The following TBC1D5 variants were observed in gnomAD, a reference collection of about 807,000 sequenced individuals.
TBC1D5 encodes the protein TBC1 domain family member 5.
TBC1D5 carries 75 observed loss-of-function variants against 100.3 expected under a neutral mutation model. The ratio of observed to expected loss-of-function variants is 0.75; its 90% CI spans 0.62 to 0.91. The LOEUF is 0.91. TBC1D5 is among the 40% of genes least tolerant of loss of function. TBC1D5 has a pLI of 0.00. For synonymous variants in TBC1D5, 323 were observed against 325.6 expected, an observed-to-expected ratio of 0.99 and a Z score of 0.09; for missense variants, 910 against 942.4, an observed-to-expected ratio of 0.97 and a Z score of 0.45.
intron 2 of TBC1D5, among the ~76,000 whole-genome samples, chr3:17,568,330 C>A (rs1324701575): frequency 6.6e-6 from 1 of 151,244 alleles, no homozygotes; most frequent in Non-Finnish European, 1.5e-5. Context: ...AGACTAACTG[C>A]AGGTCAACCA....
At chr3:17,199,672 A>C (rs1382907266) in intron 18 of TBC1D5, among the ~76,000 whole-genome samples, 1 of 152,118 alleles carries the variant, frequency 6.6e-6, no homozygotes, top group Non-Finnish European at 1.5e-5. Flanking sequence ...TACTGAAGGG[A>C]CCTATGGAAG....
chr3:17,279,088 T>C (rs1401861595), intron 15 of TBC1D5, among the ~76,000 whole-genome samples: 2 of 152,260 alleles, frequency 1.3e-5, no homozygotes, highest in Admixed American at 6.5e-5. Context: ...AAATTGCTTA[T>C]GTTTTCAAAA....
chr3:17,658,285 G>C (rs2066291426), intron 1 of TBC1D5, among the ~76,000 whole-genome samples: 1 of 152,146 alleles, frequency 6.6e-6, no homozygotes, highest in South Asian at 2.1e-4. Flanking sequence ...TTGATTTCCT[G>C]CTATATATAC....
intron 1 of TBC1D5, among the ~76,000 whole-genome samples, chr3:17,718,038 C>T (rs1172315806): frequency 6.6e-6 from 1 of 152,062 alleles, no homozygotes; most frequent in Non-Finnish European, 1.5e-5. Context: ...AGTACGAAGT[C>T]AATAAGACAA....
intron 1 of TBC1D5, among the ~76,000 whole-genome samples, chr3:17,645,736 C>T (rs2064958787): frequency 6.6e-6 from 1 of 152,038 alleles, no homozygotes; most frequent in African/African-American, 2.4e-5. Context: ...ACCAATTCTA[C>T]TACCAACTAC....
At chr3:17,655,222 C>G (rs1241639522) in intron 1 of TBC1D5, among the ~76,000 whole-genome samples, 1 of 146,454 alleles carries the variant, frequency 6.8e-6, no homozygotes, top group Non-Finnish European at 1.5e-5. Flanking sequence ...AACCAAACAC[C>G]GCATATTCTC....
At chr3:17,320,345 T>C (rs1004127474) in intron 13 of TBC1D5, among the ~76,000 whole-genome samples, 1 of 152,200 alleles carries the variant, frequency 6.6e-6, no homozygotes, top group Non-Finnish European at 1.5e-5. Context: ...CACTCACTCA[T>C]ACCTACTAAA....
chr3:17,610,985 G>C (rs1041535062), intron 2 of TBC1D5, among the ~76,000 whole-genome samples: 8 of 152,106 alleles, frequency 5.3e-5, no homozygotes, highest in Non-Finnish European at 7.3e-5. Context: ...ACTCCAGCCT[G>C]GGCGACAAGA....
At chr3:17,630,530 G>C (rs1250391477) in intron 1 of TBC1D5, among the ~76,000 whole-genome samples, 1 of 152,144 alleles carries the variant, frequency 6.6e-6, no homozygotes, top group Non-Finnish European at 1.5e-5. Flanking sequence ...CTTAATCAAT[G>C]AATGTGTTCT....
chr3:17,400,059 T>C (rs2093606814), intron 8 of TBC1D5, among the ~76,000 whole-genome samples: 1 of 152,096 alleles, frequency 6.6e-6, no homozygotes, highest in Admixed American at 6.6e-5. Flanking sequence ...TTATTCTCTT[T>C]ATCTATACAT....
chr3:17,475,783 T>C (rs1323637972), intron 3 of TBC1D5, among the ~76,000 whole-genome samples: 2 of 152,132 alleles, frequency 1.3e-5, no homozygotes, highest in African/African-American at 4.8e-5. Context: ...AGATATGCAA[T>C]AGTTTCCCTG....
chr3:17,451,446 G>A (rs2094925327), intron 3 of TBC1D5, among the ~76,000 whole-genome samples: 2 of 152,062 alleles, frequency 1.3e-5, no homozygotes, highest in African/African-American at 2.4e-5. Context: ...AAACCACAAC[G>A]AGATACCATC....
intron 8 of TBC1D5, among the ~76,000 whole-genome samples, chr3:17,399,557 A>G (rs1296374303): frequency 1.3e-5 from 2 of 152,172 alleles, no homozygotes; most frequent in Middle Eastern, 3.4e-3. Context: ...AAATACTCCA[A>G]TAGACTCCTA....
intron 13 of TBC1D5, among the ~76,000 whole-genome samples, chr3:17,333,817 A>C (rs1648662906): frequency 6.6e-6 from 1 of 152,096 alleles, no homozygotes; most frequent in South Asian, 2.1e-4. Flanking sequence ...GGTCCATTAG[A>C]AGCTAGAGAA....
chr3:17,631,950 CAAG>C (rs1321373858), intron 1 of TBC1D5, among the ~76,000 whole-genome samples: 2 of 152,176 alleles, frequency 1.3e-5, no homozygotes, highest in Non-Finnish European at 2.9e-5. Flanking sequence ...GCCCATGAGT[CAAG>C]AAGTAATTCT....
chr3:17,596,437 G>C (rs1318651725), intron 2 of TBC1D5, among the ~76,000 whole-genome samples: 1 of 149,242 alleles, frequency 6.7e-6, no homozygotes, highest in East Asian at 2.0e-4. Flanking sequence ...TCCTGCCTCA[G>C]TCTCCCAAGT....
At chr3:17,505,033 C>A (rs1004573993) in intron 3 of TBC1D5, among the ~76,000 whole-genome samples, 2 of 152,052 alleles carry the variant, frequency 1.3e-5, no homozygotes, top group Non-Finnish European at 2.9e-5. Flanking sequence ...ACGGAGTTGG[C>A]AGGATTCTGA....
chr3:17,690,208 T>TATAACAGGGG, intron 1 of TBC1D5, among the ~76,000 whole-genome samples: 1 of 65,302 alleles, frequency 1.5e-5, no homozygotes, highest in Non-Finnish European at 3.2e-5. Context: ...AGCCATATTT[T>TATAACAGGGG]TTTTTTTTTT....
chr3:17,676,782 T>C (rs2068699541), intron 1 of TBC1D5, among the ~76,000 whole-genome samples: 1 of 152,194 alleles, frequency 6.6e-6, no homozygotes, highest in African/African-American at 2.4e-5. Flanking sequence ...CAAAACAGCA[T>C]GGTACTGGTA....
Sources: allele counts gnomAD v4.1 joint callset (sites outside exome capture counted in the v4.1 genomes callset), GRCh38; gene constraint gnomAD v4.1.1; transcripts MANE v1.5; gene names NCBI Gene and HGNC (gene_info 2026-07-23, HGNC 2026-07-21).